The following MYRIP variants were observed in gnomAD, a reference collection of about 807,000 sequenced individuals.
MYRIP encodes myosin VIIA and Rab interacting protein.
MYRIP carries 49 observed loss-of-function variants against 98.0 expected under a neutral mutation model. The observed-to-expected ratio is 0.50, with a 90% CI of 0.40 to 0.63. MYRIP has a LOEUF of 0.63. MYRIP is among the 30% of genes least tolerant of loss of function. The pLI, the probability that MYRIP is intolerant of heterozygous loss-of-function variation, is 0.00. For synonymous variants in MYRIP, 404 were observed against 409.5 expected (o/e 0.99, Z 0.16); for missense variants, 1,004 against 1,058.2 (o/e 0.95, Z 0.71).
intron 2 of MYRIP, among the ~76,000 whole-genome samples, chr3:39,911,137 T>C (rs1325953341): frequency 1.3e-5 from 2 of 152,252 alleles, no homozygotes; most frequent in African/African-American, 4.8e-5. Context: ...AAATACTTCA[T>C]GACCTTTGAA....
chr3:40,203,372 C>A (rs1456709810), intron 10 of MYRIP, among the ~76,000 whole-genome samples: 3 of 152,064 alleles, frequency 2.0e-5, no homozygotes, highest in African/African-American at 7.2e-5. Context: ...TGGCACCACC[C>A]TAAATATAAA....
intron 2 of MYRIP, among the ~76,000 whole-genome samples, chr3:40,012,399 C>T (rs1946777337): frequency 6.6e-6 from 1 of 152,204 alleles, no homozygotes. Flanking sequence ...CCAACAGTTA[C>T]AGAACCCCTG....
chr3:40,018,044 C>T (rs1032091409), intron 2 of MYRIP, among the ~76,000 whole-genome samples: 1 of 152,098 alleles, frequency 6.6e-6, no homozygotes, highest in African/African-American at 2.4e-5. Context: ...TTCTCGTTTC[C>T]TTATGAATGT....
intron 8 of MYRIP, among the ~76,000 whole-genome samples, chr3:40,179,734 C>A (rs901088545): frequency 6.6e-6 from 1 of 152,124 alleles, no homozygotes; most frequent in Non-Finnish European, 1.5e-5. Flanking sequence ...AAAAGGCCAT[C>A]CCTGCCCTCA....
intron 2 of MYRIP, among the ~76,000 whole-genome samples, chr3:40,000,539 T>TA (rs1303895131): frequency 5.9e-4 from 90 of 152,338 alleles, no homozygotes; most frequent in African/African-American, 2.1e-3. Flanking sequence ...GTACATCTCT[T>TA]GAAATGCCCA....
intron 10 of MYRIP, among the ~76,000 whole-genome samples, chr3:40,206,692 C>T (rs1342045826): frequency 6.6e-6 from 1 of 152,172 alleles, no homozygotes. Context: ...ACCGTCAACT[C>T]CAGTAGGGCA....
chr3:40,017,995 G>GC (rs1168700877), intron 2 of MYRIP, among the ~76,000 whole-genome samples: 1 of 152,104 alleles, frequency 6.6e-6, no homozygotes, highest in East Asian at 1.9e-4. Flanking sequence ...CATGCAAAAT[G>GC]AGAGAATTGA....
At chr3:39,944,916 T>C (rs1383548520) in intron 2 of MYRIP, among the ~76,000 whole-genome samples, 2 of 152,134 alleles carry the variant, frequency 1.3e-5, no homozygotes, top group Non-Finnish European at 2.9e-5. Flanking sequence ...ACTATAAATA[T>C]ATATACATAG....
intron 2 of MYRIP, among the ~76,000 whole-genome samples, chr3:40,005,718 C>T (rs543719405): frequency 3.3e-5 from 5 of 152,214 alleles, no homozygotes; most frequent in South Asian, 4.2e-4. Context: ...ATGTCATGCC[C>T]GTCTTTTGAG....
chr3:39,885,232 G>A (rs1050147307), intron 1 of MYRIP, among the ~76,000 whole-genome samples: 24 of 151,382 alleles, frequency 1.6e-4, no homozygotes, highest in African/African-American at 5.8e-4. Context: ...GGTTTTTGCT[G>A]TTTTTAAAAA....
chr3:40,071,268 A>G, intron 3 of MYRIP: 1 of 849,726 alleles, frequency 1.2e-6, no homozygotes, highest in Non-Finnish European at 1.4e-6. Flanking sequence ...GTGAGCCATC[A>G]GAGAGATGGC....
At chr3:40,078,219 G>A (rs1416075373) in intron 3 of MYRIP, among the ~76,000 whole-genome samples, 1 of 152,220 alleles carries the variant, frequency 6.6e-6, no homozygotes, top group Non-Finnish European at 1.5e-5. Flanking sequence ...TGGCTGCTCC[G>A]AGTGCGGCCC....
intron 3 of MYRIP, among the ~76,000 whole-genome samples, chr3:40,074,728 TA>T (rs568575388): frequency 2.3e-4 from 35 of 152,184 alleles, no homozygotes; most frequent in African/African-American, 6.3e-4. Context: ...ATACATCTGA[TA>T]AAGGAGCTAT....
chr3:39,946,990 A>C (rs939745465), intron 2 of MYRIP, among the ~76,000 whole-genome samples: 2 of 152,226 alleles, frequency 1.3e-5, no homozygotes, highest in African/African-American at 4.8e-5. Context: ...TAAATGGGAC[A>C]AAGTAGGATT....
At chr3:39,843,674 T>C (rs1941874839) in intron 1 of MYRIP, among the ~76,000 whole-genome samples, 1 of 152,160 alleles carries the variant, frequency 6.6e-6, no homozygotes, top group Non-Finnish European at 1.5e-5. Flanking sequence ...AAGTGATGGA[T>C]AACAGTGCAA....
intron 8 of MYRIP, among the ~76,000 whole-genome samples, chr3:40,181,107 C>A (rs1002693679): frequency 8.0e-5 from 12 of 149,626 alleles, no homozygotes. Flanking sequence ...TCTCTCATAC[C>A]TTTTTTTTTT....
intron 2 of MYRIP, among the ~76,000 whole-genome samples, chr3:39,995,560 T>C (rs550982239): frequency 3.3e-5 from 5 of 152,292 alleles, no homozygotes; most frequent in South Asian, 4.1e-4. Context: ...CTACGTCTGA[T>C]TGGTGTACTT....
chr3:39,866,625 C>T (rs1317515903), intron 1 of MYRIP, among the ~76,000 whole-genome samples: 1 of 151,964 alleles, frequency 6.6e-6, no homozygotes, highest in African/African-American at 2.4e-5. Context: ...TAAATTTGCC[C>T]ATGGTGGTAA....
chr3:40,001,172 T>C (rs1271950135), intron 2 of MYRIP, among the ~76,000 whole-genome samples: 2 of 152,262 alleles, frequency 1.3e-5, no homozygotes, highest in Non-Finnish European at 2.9e-5. Context: ...AAAATGATGA[T>C]ATTCAAGATA....
Sources: allele counts gnomAD v4.1 joint callset (sites outside exome capture counted in the v4.1 genomes callset), GRCh38; gene constraint gnomAD v4.1.1; transcripts MANE v1.5; gene names NCBI Gene and HGNC (gene_info 2026-07-23, HGNC 2026-07-21).